Variants in ZFYVE26 observed in about 807,000 individuals in gnomAD.
ZFYVE26 encodes zinc finger FYVE domain-containing protein 26.
A neutral mutation model predicts 276.5 loss-of-function variants in ZFYVE26; 181 were observed. The ratio of observed to expected loss-of-function variants is 0.65; its 90% CI spans 0.58 to 0.74. The LOEUF (loss-of-function observed/expected upper bound fraction) is 0.74, where lower values mean the gene tolerates loss of function less well. Ranked by LOEUF, ZFYVE26 falls within the 30% of genes least tolerant of loss-of-function variation. ZFYVE26 has a pLI of 0.00. For synonymous variants in ZFYVE26, 1,129 were observed against 1,203.1 expected (o/e 0.94, Z 1.27); for missense variants, 2,821 against 3,097.9 (o/e 0.91, Z 2.12).
intron 28 of ZFYVE26, among the ~76,000 whole-genome samples, chr14:67,770,804 CCTT>C (rs1445185435): frequency 6.6e-6 from 1 of 152,014 alleles, no homozygotes; most frequent in Non-Finnish European, 1.5e-5. Context: ...TGTAAGTAAA[CCTT>C]CTATATGGTG....
In ZFYVE26 at chr14:67,807,630, G is replaced by C. The variant is rs758625371; in HGVS notation, c.654C>G (p.Ile218Met). ...AACGCAGAGTCCGCAGGGCTCCATA[G>C]ATGGCATCGACTACCCCAGGGGGCA... ...DSVPPGVVDA[I>M]YGALRTLRCP... Residue 218 changes from isoleucine (I) to methionine (M), a missense_variant, in exon 5 of 42, where the codon ATC becomes ATG. Transcript: ENST00000347230. The C allele has an allele frequency of 9.9e-6, 16 of 1,614,074 alleles. No homozygotes were observed. In the South Asian group the frequency reaches 1.6e-4, roughly 17 times the overall value.
Position 67,786,174 on chromosome 14 carries a change from G to T in ZFYVE26, c.3079C>A (p.Leu1027Ile). 3 of 1,589,858 alleles carry T rather than the reference G, an allele frequency of 1.9e-6. No individual in the cohort carries two copies. Among genetic ancestry groups the T allele is most frequent in the Non-Finnish European group, 2.6e-6 (3 of 1,169,454 alleles). Residue 1027 changes from leucine (L) to isoleucine (I), a missense_variant, in exon 17 of 42, where the codon CTT (leucine) becomes ATT (isoleucine). Physicochemically the swap from Leu to Ile is conservative, Grantham distance 5 (BLOSUM62 2). Coordinates refer to ENST00000347230, the MANE Select transcript of ZFYVE26 (RefSeq NM_015346.4). ...TTGAGACTCTTACTGATTTGCTGAAGAACAACTGGAAAACCTCGAATGCCA... is the reference window on the plus strand; with the variant it reads ...TTGAGACTCTTACTGATTTGCTGAATAACAACTGGAAAACCTCGAATGCCA... ...ADGIRGFPVV[L>I]QQISKSLNYL...
intron 37 of ZFYVE26, among the ~76,000 whole-genome samples, chr14:67,754,840 C>T (rs993442426): frequency 6.6e-6 from 1 of 152,120 alleles, no homozygotes; most frequent in African/African-American, 2.4e-5. Flanking sequence ...CTGATTGTAG[C>T]CTGTGATGCT....
chr14:67,749,461 C>A (rs187562347), intron 41 of ZFYVE26, among the ~76,000 whole-genome samples: 1 of 152,230 alleles, frequency 6.6e-6, no homozygotes, highest in Admixed American at 6.5e-5. Flanking sequence ...TCCTTTCTGG[C>A]CCTGGTCTCC....
intron 13 of ZFYVE26, among the ~76,000 whole-genome samples, chr14:67,732,071 A>G (rs1367581531): frequency 4.0e-5 from 6 of 150,616 alleles, no homozygotes; most frequent in African/African-American, 1.5e-4. Flanking sequence ...AGGCTGCAGT[A>G]AGCCGAGATC....
chr14:67,741,631 A>G (rs948636887), downstream of ZFYVE26, among the ~76,000 whole-genome samples: 5 of 152,236 alleles, frequency 3.3e-5, no homozygotes, highest in African/African-American at 9.6e-5. Flanking sequence ...CTTATAAAGT[A>G]TTTGAGAAAG....
intron 11 of ZFYVE26, 24 bp from the exon 12 acceptor site, chr14:67,797,779 C>T: frequency 6.2e-7 from 1 of 1,613,274 alleles, no homozygotes; most frequent in Non-Finnish European, 8.5e-7. Context: ...CCCAATGGGA[C>T]AGAAAGGAGA....
chr14:67,731,312 T>C (rs1373974790), intron 13 of ZFYVE26, among the ~76,000 whole-genome samples: 3 of 149,822 alleles, frequency 2.0e-5, no homozygotes, highest in African/African-American at 7.4e-5. Context: ...CCTCCTGGGT[T>C]CAAGGGATCC....
chr14:67,781,735 C>T (rs1303352411), intron 21 of ZFYVE26, among the ~76,000 whole-genome samples: 2 of 151,984 alleles, frequency 1.3e-5, no homozygotes, highest in Non-Finnish European at 2.9e-5. Context: ...CTATGTGTAT[C>T]TTTAGGTAAA....
intron 27 of ZFYVE26, among the ~76,000 whole-genome samples, chr14:67,774,046 C>T (rs561589857): frequency 1.1e-4 from 16 of 152,282 alleles, no homozygotes; most frequent in African/African-American, 3.6e-4. Context: ...CTCATTAATA[C>T]TAGATTGCAT....
intron 19 of ZFYVE26, 25 bp downstream of exon 19, chr14:67,785,034 C>T (rs200859351): frequency 6.8e-6 from 11 of 1,612,550 alleles, no homozygotes; most frequent in East Asian, 2.2e-5. Context: ...TGCCATGAAT[C>T]TATTGCCTCT....
chr14:67,765,736 G>A (rs2039038292), intron 32 of ZFYVE26, among the ~76,000 whole-genome samples: 1 of 152,136 alleles, frequency 6.6e-6, no homozygotes, highest in South Asian at 2.1e-4. Flanking sequence ...GTTCCTACCT[G>A]GGACACAGGA....
rs778347663 is a variant in ZFYVE26, at chr14:67,807,512, G to A, written c.772C>T (p.Arg258Trp). The change falls in exon 5 of 42, where the codon CGG becomes TGG. Residue 258 changes from arginine (R) to tryptophan (W), a missense_variant. By Grantham distance (101) the Arg-to-Trp change is moderately radical. Transcript: ENST00000347230. ...TTGTGCAGCAGGCAGCTGAGCAGCCGCTCCTCCCGCAGGGGACTCCCCTCG... is the reference window on the plus strand; with the variant it reads ...TTGTGCAGCAGGCAGCTGAGCAGCCACTCCTCCCGCAGGGGACTCCCCTCG... ...RTEGSPLREE[R>W]LLSCLLHKAS... The A allele has an allele frequency of 1.4e-5, 23 of 1,614,016 alleles. No homozygotes were observed. The highest frequency in any genetic ancestry group is 1.3e-4 in the South Asian group (12 of 91,080).
chr14:67,805,376 G>A, intron 7 of ZFYVE26, 71 bp from the exon 8 acceptor site: 8 of 1,613,592 alleles, frequency 5.0e-6, no homozygotes, highest in Non-Finnish European at 6.8e-6. Context: ...ACTGATTTTA[G>A]GGCTCTGCAT....
At chr14:67,752,313 G>A (rs1408550883) in intron 40 of ZFYVE26, 31 bp downstream of exon 40, 2 of 1,594,608 alleles carry the variant, frequency 1.3e-6, no homozygotes, top group East Asian at 2.3e-5. Flanking sequence ...GAAATTGATG[G>A]AGGAGCCAAG....
intron 10 of ZFYVE26, chr14:67,799,485 T>C: frequency 6.2e-7 from 1 of 1,609,606 alleles, no homozygotes; most frequent in Admixed American, 1.7e-5. Context: ...AAGGCAGCCA[T>C]TCAGAGCAGA....
chr14:67,786,044 G>A, intron 17 of ZFYVE26, 22 bp from the exon 18 acceptor site: 2 of 1,613,948 alleles, frequency 1.2e-6, no homozygotes, highest in Non-Finnish European at 1.7e-6. Flanking sequence ...AAATGAGAAA[G>A]AAAAAGTAAA....
chr14:67,756,223 T>C (rs908970203), intron 35 of ZFYVE26, 78 bp from the exon 36 acceptor site: 44 of 1,454,034 alleles, frequency 3.0e-5, no homozygotes, highest in Middle Eastern at 2.0e-4. Flanking sequence ...TGAATTTCCT[T>C]CTATTGATGA....
chr14:67,813,736 C>T (rs1439104984), intron 3 of ZFYVE26, among the ~76,000 whole-genome samples: 2 of 152,116 alleles, frequency 1.3e-5, no homozygotes, highest in East Asian at 3.8e-4. Context: ...CACTGAGTTT[C>T]CAAAAGTTCT....
Sources: allele counts gnomAD v4.1 joint callset (sites outside exome capture counted in the v4.1 genomes callset), GRCh38; gene constraint gnomAD v4.1.1; transcripts MANE v1.5; gene names NCBI Gene and HGNC (gene_info 2026-07-23, HGNC 2026-07-21).